ZSCAN21: variants seen among roughly 807,000 people sequenced by gnomAD.
The protein encoded by ZSCAN21 is zinc finger and SCAN domain-containing protein 21.
Under a neutral mutation model 35.6 loss-of-function variants are expected in ZSCAN21, and 26 were observed. The observed-to-expected ratio is 0.73, with a 90% CI of 0.54 to 1.01. The LOEUF is 1.01. Ranked by LOEUF, ZSCAN21 falls within the 50% of genes least tolerant of loss-of-function variation. The probability of loss-of-function intolerance (pLI) is 0.00; values close to 1 mark genes in which losing one functional copy is unlikely to be tolerated. For synonymous variants in ZSCAN21, 219 were observed against 219.3 expected (o/e 1.00, Z 0.01); for missense variants, 593 against 587.1 (o/e 1.01, Z -0.10).
At chr7:100,062,304 T>A (rs1161119553) in intron 3 of ZSCAN21, among the ~76,000 whole-genome samples, 7 of 148,000 alleles carry the variant, frequency 4.7e-5, no homozygotes, top group Admixed American at 6.8e-5. Flanking sequence ...TTTTTTTTTT[T>A]AAAGGGCCGG....
At chr7:100,053,784 T>A (rs1272474260) in intron 1 of ZSCAN21, among the ~76,000 whole-genome samples, 1 of 151,976 alleles carries the variant, frequency 6.6e-6, no homozygotes, top group Non-Finnish European at 1.5e-5. Flanking sequence ...AGGTTTAACA[T>A]GTGGCCCTAA....
chr7:100,057,165 C>T lies in ZSCAN21; in HGVS notation c.159C>T (p.Tyr53=). ...MFRQRFRQFG[Y]HDTPGPREAL... is the part of the protein sequence containing the mutation. Reference sequence around the variant, plus strand: ...GCCAGCGCTTCAGGCAGTTTGGGTACCATGATACCCCTGGACCCCGAGAGG... The same window carrying T: ...GCCAGCGCTTCAGGCAGTTTGGGTATCATGATACCCCTGGACCCCGAGAGG... Residue 53 remains tyrosine, a synonymous_variant, in exon 2 of 4, where the codon TAC becomes TAT. Coordinates refer to ENST00000292450, the MANE Select transcript of ZSCAN21 (RefSeq NM_145914.3). 2 of 1,613,962 alleles carry T rather than the reference C, an allele frequency of 1.2e-6. No individual in the cohort carries two copies. Among genetic ancestry groups the T allele is most frequent in the Non-Finnish European group, 1.7e-6 (2 of 1,180,028 alleles).
At chr7:100,054,475 C>G (rs1206789978) in intron 1 of ZSCAN21, among the ~76,000 whole-genome samples, 1 of 151,994 alleles carries the variant, frequency 6.6e-6, no homozygotes, top group African/African-American at 2.4e-5. Context: ...GTCTCGAACT[C>G]CTGACCTCAG....
chr7:100,061,141 C>T (rs1314831105), intron 3 of ZSCAN21, among the ~76,000 whole-genome samples: 1 of 152,204 alleles, frequency 6.6e-6, no homozygotes, highest in Non-Finnish European at 1.5e-5. Flanking sequence ...AACTACCCAA[C>T]AGTAACAGTG....
At chr7:100,063,340 A>G (rs907414375) in intron 3 of ZSCAN21, among the ~76,000 whole-genome samples, 7 of 152,150 alleles carry the variant, frequency 4.6e-5, no homozygotes, top group Admixed American at 6.5e-5. Context: ...GCTCATGCCT[A>G]TAATCCCAGC....
chr7:100,064,770 A>G lies in ZSCAN21; in HGVS notation c.*153A>G, dbSNP rs766342980. The G allele has an allele frequency of 1.2e-6, 2 of 1,614,130 alleles. No individual in the cohort carries two copies. The highest frequency in any genetic ancestry group is 8.5e-7 in the Non-Finnish European group (1 of 1,180,022). On this transcript the variant is annotated 3_prime_UTR_variant, in exon 4 of 4. Coordinates refer to ENST00000292450, the MANE Select transcript of ZSCAN21 (RefSeq NM_145914.3). ...TGAGGAGTGCGAGCTCCACAGCAAC[A>G]TGGCAGGCAGGAGGTCCTCAGAAGG...
In ZSCAN21 at chr7:100,064,074, C is replaced by A; in HGVS notation, c.879C>A (p.Thr293=). The change falls in exon 4 of 4, where the codon ACC becomes ACA. Residue 293 remains threonine, a synonymous_variant. Coordinates refer to ENST00000292450, the MANE Select transcript of ZSCAN21 (RefSeq NM_145914.3). ...CCTTTAGTAATAGCTCAAATCTCAC[C>A]AAACACAGGAGAACACACACTGGGG... ...GKAFSNSSNL[T]KHRRTHTGEK... The A allele has an allele frequency of 6.2e-7, 1 of 1,614,132 alleles. No homozygotes were observed. Among genetic ancestry groups the A allele is most frequent in the Non-Finnish European group, 8.5e-7 (1 of 1,180,040 alleles).
chr7:100,056,160 C>T (rs929846842), intron 1 of ZSCAN21, among the ~76,000 whole-genome samples: 2 of 151,764 alleles, frequency 1.3e-5, no homozygotes, highest in East Asian at 2.0e-4. Context: ...AGGATGGTCT[C>T]GATCTCCTGA....
chr7:100,051,178 C>CAAAAAAAAAAAAAAAAAAA lies in ZSCAN21; in HGVS notation c.-97+1344_-97+1362dup, dbSNP rs369246193. 2.0e-3 allele frequency among the ~76,000 whole-genome samples: 84 copies of CAAAAAAAAAAAAAAAAAAA among 41,358 alleles called. 3 individuals are homozygous for CAAAAAAAAAAAAAAAAAAA. The highest frequency in any genetic ancestry group is 2.4e-3 in the Non-Finnish European group (55 of 23,124). The allele number at this position is 41,358 out of a possible 152,430, so 27.1% of individuals were successfully genotyped here. ...GGGAAACAAGAGTGAAACTACGTCT[C>CAAAAAAAAAAAAAAAAAAA]AAAAAAAAAAAAAAAAAAAAAAAAA... On this transcript the variant is annotated intron_variant, in intron 1 of 3. Coordinates refer to ENST00000292450, the MANE Select transcript of ZSCAN21 (RefSeq NM_145914.3).
chr7:100,064,071 C>T lies in ZSCAN21; in HGVS notation c.876C>T (p.Leu292=). 2 of 1,614,162 alleles carry T rather than the reference C, an allele frequency of 1.2e-6. No homozygotes were observed. Among genetic ancestry groups the T allele is most frequent in the South Asian group, 1.1e-5 (1 of 91,084 alleles). The change falls in exon 4 of 4, where the codon CTC becomes CTT. Residue 292 remains leucine, a synonymous_variant. Coordinates refer to ENST00000292450, the MANE Select transcript of ZSCAN21 (RefSeq NM_145914.3). ...CGKAFSNSSN[L]TKHRRTHTGE... is the part of the protein sequence containing the mutation. ...AAGCCTTTAGTAATAGCTCAAATCT[C>T]ACCAAACACAGGAGAACACACACTG...
intron 3 of ZSCAN21, among the ~76,000 whole-genome samples, chr7:100,060,943 A>G (rs1422097287): frequency 1.3e-5 from 2 of 151,550 alleles, no homozygotes; most frequent in African/African-American, 4.8e-5. Flanking sequence ...CCCAGCTCCC[A>G]GCTACTTGGG....
rs1009909286 is a variant in ZSCAN21 at position 100,052,064 on chromosome 7, C to T, written c.-97+2223C>T. The stretch of plus-strand genomic sequence containing the variant: ...CAGCCTGGGCAACAAAGCAAGACTT[C>T]GTTTCTACAAAAATAAGTAAATCAA... On this transcript the variant is annotated intron_variant, in intron 1 of 3. Coordinates refer to ENST00000292450, the MANE Select transcript of ZSCAN21 (RefSeq NM_145914.3). 3.3e-5 allele frequency among the ~76,000 whole-genome samples: 5 copies of T among 151,684 alleles called. 1 individual carries two copies. Among genetic ancestry groups the T allele is most frequent in the Admixed American group, 1.3e-4 (2 of 15,200 alleles).
chr7:100,064,788 T>C lies in ZSCAN21; in HGVS notation c.*171T>C, dbSNP rs779717016. ...CAGCAACATGGCAGGCAGGAGGTCC[T>C]CAGAAGGTGTCAGGAGGTTCCACAC... is the stretch of plus-strand genomic sequence containing the variant. On this transcript the variant is annotated 3_prime_UTR_variant, in exon 4 of 4. Coordinates refer to ENST00000292450, the MANE Select transcript of ZSCAN21 (RefSeq NM_145914.3). The C allele has an allele frequency of 2.5e-6, 4 of 1,614,112 alleles. No homozygotes were observed. Among genetic ancestry groups the C allele is most frequent in the Admixed American group, 3.3e-5 (2 of 59,994 alleles).
rs1230146929 is a variant in ZSCAN21 at position 100,063,963 on chromosome 7, G to A, written c.768G>A (p.Glu256=). The change falls in exon 4 of 4, where the codon GAG becomes GAA. Residue 256 remains glutamate (E), a synonymous_variant. Transcript: ENST00000292450. ...NEKGTKPPLQ[E]AGSKKGRESV... ...AAGGAACAAAACCCCCTCTTCAAGA[G>A]GCAGGCTCCAAGAAAGGTAGAGAAT... is the stretch of plus-strand genomic sequence containing the variant. 1.2e-6 allele frequency: 2 copies of A among 1,614,132 alleles called. No individual in the cohort carries two copies. The highest frequency in any genetic ancestry group is 1.7e-6 in the Non-Finnish European group (2 of 1,180,002).
At chr7:100,060,718 C>T (rs1792255138) in intron 3 of ZSCAN21, among the ~76,000 whole-genome samples, 1 of 146,468 alleles carries the variant, frequency 6.8e-6, no homozygotes, top group South Asian at 2.2e-4. Flanking sequence ...CATGGTGGCA[C>T]GTGTTGTCCC....
chr7:100,060,932 T>C (rs1454493176), intron 3 of ZSCAN21, among the ~76,000 whole-genome samples: 1 of 149,608 alleles, frequency 6.7e-6, no homozygotes, highest in Non-Finnish European at 1.5e-5. Context: ...ACGCCTGTAG[T>C]CCCAGCTCCC....
rs1164734568 is a variant in ZSCAN21 at position 100,051,282 on chromosome 7, C to CTTTTTTTTTTTTTTTTTTTTTTTTTT, written c.-97+1445_-97+1470dup. Among the ~76,000 whole-genome samples the CTTTTTTTTTTTTTTTTTTTTTTTTTT allele has an allele frequency of 7.2e-4, 25 of 34,964 alleles. 9 individuals are homozygous for CTTTTTTTTTTTTTTTTTTTTTTTTTT. Among genetic ancestry groups the CTTTTTTTTTTTTTTTTTTTTTTTTTT allele is most frequent in the East Asian group, 2.0e-3 (2 of 980 alleles). The allele number at this position is 34,964 out of a possible 152,430, so 22.9% of individuals were successfully genotyped here. ...GGCTGCCTAGGGATCTAGGGATTTT[C>CTTTTTTTTTTTTTTTTTTTTTTTTTT]TTTTTTTTTTTTTTTTTTTTTTTTT... On this transcript the variant is annotated intron_variant, in intron 1 of 3. Transcript: ENST00000292450.
Position 100,064,106 on chromosome 7 carries a change from C to A in ZSCAN21, c.911C>A (p.Pro304His), listed in dbSNP as rs779882476. 1 of 1,614,138 alleles carries A rather than the reference C, an allele frequency of 6.2e-7. No homozygotes were observed. The highest frequency in any genetic ancestry group is 8.5e-7 in the Non-Finnish European group (1 of 1,180,032). Reference protein sequence around the residue: ...KHRRTHTGEKPYVCTKCGKAF... With the variant: ...KHRRTHTGEKHYVCTKCGKAF... Reference sequence around the variant, plus strand: ...AGGAGAACACACACTGGGGAGAAACCTTACGTGTGCACCAAGTGTGGGAAA... The same window carrying A: ...AGGAGAACACACACTGGGGAGAAACATTACGTGTGCACCAAGTGTGGGAAA... Residue 304 changes from proline (P) to histidine (H), a missense_variant, in exon 4 of 4, where the codon CCT (proline) becomes CAT (histidine). By Grantham distance (77) the Pro-to-His change is moderately conservative (BLOSUM62 -2). Transcript: ENST00000292450.
rs551409674 is a variant in ZSCAN21, at chr7:100,057,094, G to A, written c.88G>A (p.Glu30Lys). 247 of 1,614,132 alleles carry A rather than the reference G, an allele frequency of 1.5e-4. 8 individuals carry two copies. In the South Asian group the frequency reaches 2.6e-3, roughly 17 times the overall value. Residue 30 changes from glutamate (E) to lysine (K), a missense_variant, in exon 2 of 4, where the codon GAG (glutamate) becomes AAG (lysine). By Grantham distance (56) the Glu-to-Lys change is moderately conservative (BLOSUM62 1). Coordinates refer to ENST00000292450, the MANE Select transcript of ZSCAN21 (RefSeq NM_145914.3). The stretch of plus-strand genomic sequence containing the variant: ...GGGGCCTCTGATGGTAAAAGTCGAG[G>A]AGAAAGAAGAGAAAGGCAAGTACCT... The part of the protein sequence containing the change: ...QVGPLMVKVE[E>K]KEEKGKYLPS...
Sources: allele counts gnomAD v4.1 joint callset (sites outside exome capture counted in the v4.1 genomes callset), GRCh38; gene constraint gnomAD v4.1.1; transcripts MANE v1.5; gene names NCBI Gene and HGNC (gene_info 2026-07-23, HGNC 2026-07-21).